The following RTTN variants were observed in gnomAD, a reference collection of about 807,000 sequenced individuals.
The protein encoded by RTTN is rotatin.
In RTTN, 182 loss-of-function variants were observed where a neutral mutation model predicts 269.2. The ratio of observed to expected loss-of-function variants is 0.68; its 90% confidence interval spans 0.60 to 0.76. The LOEUF (loss-of-function observed/expected upper bound fraction) is 0.76, where lower values mean the gene tolerates loss of function less well. RTTN is among the 30% of genes least tolerant of loss of function. The probability of loss-of-function intolerance (pLI) is 0.00; values close to 1 mark genes in which losing one functional copy is unlikely to be tolerated. For missense variants in RTTN, 2,545 were observed against 2,608.6 expected (o/e 0.98, Z 0.53); for synonymous variants, 1,006 against 963.5 (o/e 1.04, Z -0.82).
intron 12 of RTTN, 81 bp downstream of exon 12, chr18:70,168,774 G>T: frequency 3.9e-6 from 4 of 1,014,438 alleles, no homozygotes; most frequent in Non-Finnish European, 4.4e-6. Flanking sequence ...TTAATTATAT[G>T]TCCATCAATT....
chr18:70,092,867 ATATAACTGTC>A (rs1181496491), intron 28 of RTTN, 63 bp from the exon 29 acceptor site: 2 of 1,422,502 alleles, frequency 1.4e-6, no homozygotes, highest in Non-Finnish European at 1.9e-6. Context: ...AAAGATAAAT[ATATAACTGTC>A]TACTGACTTG....
chr18:70,192,648 C>T (rs190376639), intron 8 of RTTN, among the ~76,000 whole-genome samples: 1 of 116,780 alleles, frequency 8.6e-6, no homozygotes, highest in Non-Finnish European at 1.7e-5. Context: ...CCAGCCTAGG[C>T]AAGAGAGTGA....
At chr18:70,110,780 C>A (rs2059444335) in intron 27 of RTTN, among the ~76,000 whole-genome samples, 1 of 152,226 alleles carries the variant, frequency 6.6e-6, no homozygotes, top group Non-Finnish European at 1.5e-5. Context: ...GGTCCCACTC[C>A]CACGGAGCCC....
At chr18:70,094,749 A>C (rs565094612) in intron 28 of RTTN, among the ~76,000 whole-genome samples, 1 of 152,282 alleles carries the variant, frequency 6.6e-6, no homozygotes, top group South Asian at 2.1e-4. Flanking sequence ...GCTGAGAAGA[A>C]TGTATATTCT....
At position 70,167,000 on chromosome 18, in the gene RTTN, A is replaced by G. The variant is rs772472214; in HGVS notation, c.1721T>C (p.Leu574Pro). The G allele has an allele frequency of 6.2e-7, 1 of 1,613,270 alleles. No individual in the cohort carries two copies. The change falls in exon 13 of 49, where the codon CTG (leucine) becomes CCG (proline). Residue 574 changes from leucine to proline, a missense_variant. Transcript: ENST00000640769. Reference protein sequence around the residue: ...GEKNLLELVELADQALRSFSY... With the variant: ...GEKNLLELVEPADQALRSFSY... ...AAAGCTACGCAAGGCTTGGTCTGCC[A>G]GCTCCACTAATTCTAAGAGATTCTT... is the stretch of plus-strand genomic sequence containing the variant.
At chr18:70,168,462 A>G (rs2061049971) in intron 12 of RTTN, among the ~76,000 whole-genome samples, 1 of 152,212 alleles carries the variant, frequency 6.6e-6, no homozygotes, top group South Asian at 2.1e-4. Context: ...AGAACTATCT[A>G]TAAAATATTG....
chr18:70,145,469 G>T, intron 18 of RTTN, 143 bp downstream of exon 18: 1 of 604,612 alleles, frequency 1.7e-6, no homozygotes, highest in Non-Finnish European at 2.7e-6. Context: ...GATAAAGCCA[G>T]AACACAATTT....
chr18:70,059,628 G>T (rs985202994), intron 36 of RTTN, among the ~76,000 whole-genome samples: 1 of 151,870 alleles, frequency 6.6e-6, no homozygotes, highest in Admixed American at 6.6e-5. Context: ...TTTTTCTTTG[G>T]CCTTAATAGT....
chr18:70,077,498 T>C (rs1391376898), intron 32 of RTTN, among the ~76,000 whole-genome samples: 2 of 151,976 alleles, frequency 1.3e-5, no homozygotes, highest in Non-Finnish European at 2.9e-5. Flanking sequence ...CCCACTGTCT[T>C]CTAAAATCTA....
intron 10 of RTTN, among the ~76,000 whole-genome samples, chr18:70,184,719 T>TGTGTGTGTGA (rs2061502876): frequency 2.1e-5 from 2 of 94,970 alleles, no homozygotes; most frequent in African/African-American, 9.5e-5. Flanking sequence ...TTTTTTTTTG[T>TGTGTGTGTGA]GTGTGTGTGT....
chr18:70,057,081 A>G (rs2057839065), intron 37 of RTTN, among the ~76,000 whole-genome samples: 1 of 152,216 alleles, frequency 6.6e-6, no homozygotes, highest in Admixed American at 6.5e-5. Flanking sequence ...AAACTTTGTA[A>G]TGGGGTCTGT....
chr18:70,060,039 T>C lies in RTTN; in HGVS notation c.4751A>G (p.His1584Arg), dbSNP rs2057933533. 1.9e-6 allele frequency: 3 copies of C among 1,605,532 alleles called. No homozygotes were observed. Among genetic ancestry groups the C allele is most frequent in the African/African-American group, 2.7e-5 (2 of 74,494 alleles). ...TGGCCGTGGTGATGTACTTTCCTGG[T>C]GACCTATTATTGAAAATAAACATAA... ...ASHDQFVAQGHQESTSPRPPH... is the reference protein window; with the variant it reads ...ASHDQFVAQGRQESTSPRPPH... Residue 1584 changes from histidine to arginine, a missense_variant, in exon 36 of 49, where the codon CAC (histidine) becomes CGC (arginine). Transcript: ENST00000640769.
intron 40 of RTTN, among the ~76,000 whole-genome samples, chr18:70,035,215 TA>T (rs1697021246): frequency 1.3e-5 from 2 of 152,146 alleles, no homozygotes; most frequent in Admixed American, 1.3e-4. Context: ...AAAAAACTTT[TA>T]AAATTCATAT....
chr18:70,193,181 A>G, intron 8 of RTTN, 107 bp downstream of exon 8: 1 of 1,082,542 alleles, frequency 9.2e-7, no homozygotes, highest in African/African-American at 1.6e-5. Flanking sequence ...TGTTTCAAAA[A>G]AAAAAAAAAA....
intron 14 of RTTN, among the ~76,000 whole-genome samples, chr18:70,160,642 G>A (rs866821744): frequency 1.6e-5 from 2 of 126,232 alleles, no homozygotes; most frequent in South Asian, 5.3e-4. Flanking sequence ...TCTCTTCACA[G>A]ATGATTCTAT....
intron 35 of RTTN, chr18:70,061,465 A>G: frequency 2.2e-6 from 1 of 455,608 alleles, no homozygotes; most frequent in Admixed American, 2.4e-5. Context: ...TGCTATTTAG[A>G]GTGTCATTGT....
In RTTN at chr18:70,168,968, C is replaced by T; in HGVS notation, c.1576G>A (p.Val526Met). 1 of 1,612,968 alleles carries T rather than the reference C, an allele frequency of 6.2e-7. No individual in the cohort carries two copies. Among genetic ancestry groups the T allele is most frequent in the Non-Finnish European group, 8.5e-7 (1 of 1,179,606 alleles). Residue 526 changes from valine to methionine, a missense_variant, in exon 12 of 49, where the codon GTG (valine) becomes ATG (methionine). Transcript: ENST00000640769. ...LEYPNIHEAV[V>M]AYLEQLNSEN... ...GAATTCAGCTGTTCCAAATAGGCCA[C>T]AACAGCTTCATGAATATTTGGATAT... is the stretch of plus-strand genomic sequence containing the variant.
intron 11 of RTTN, among the ~76,000 whole-genome samples, chr18:70,172,053 T>C (rs1429423816): frequency 6.6e-6 from 1 of 152,236 alleles, no homozygotes; most frequent in East Asian, 1.9e-4. Flanking sequence ...GAATGCTCTG[T>C]GCTTCTGCTT....
rs1454882494 is a variant in RTTN, at chr18:70,150,760, T to C, written c.1930-27A>G. ...TGTAAAATAATATTAAAAAGTATTT[T>C]TAAATTAGCAACACTGATTTTTCCA... On this transcript the variant is annotated intron_variant, in intron 14 of 48. Coordinates refer to ENST00000640769, the MANE Select transcript of RTTN (RefSeq NM_173630.4). 2.0e-6 allele frequency: 3 copies of C among 1,514,398 alleles called. No individual in the cohort carries two copies. The South Asian group carries it at 3.7e-5, about 19-fold the overall frequency. 93.8% of individuals were successfully genotyped at this position (1,514,398 alleles called of 1,614,324 possible). A position where few individuals can be genotyped will look rare whatever the true frequency, so the allele number is the denominator to read the frequency against.
Sources: gnomAD v4.1 joint callset for allele counts (sites outside exome capture counted in the v4.1 genomes callset) on GRCh38, gnomAD v4.1.1 for gene constraint, MANE v1.5 for transcripts, NCBI Gene and HGNC (gene_info 2026-07-23, HGNC 2026-07-21) for gene names.